CNTN4: variants seen among roughly 807,000 people sequenced by gnomAD.
CNTN4 encodes contactin 4, also known as contactin-4.
CNTN4 carries 77 observed loss-of-function variants against 122.5 expected under a neutral mutation model. The ratio of observed to expected loss-of-function variants is 0.63; its 90% CI spans 0.52 to 0.76. The LOEUF (loss-of-function observed/expected upper bound fraction) is 0.76, where lower values mean the gene tolerates loss of function less well. CNTN4 is among the 30% of genes least tolerant of loss of function. The pLI, the probability that CNTN4 is intolerant of heterozygous loss-of-function variation, is 0.00. For missense variants in CNTN4, 1,256 were observed against 1,259.1 expected (o/e 1.00, Z 0.04); for synonymous variants, 512 against 447.0 (o/e 1.15, Z -1.83).
chr3:2,959,155 C>A (rs1225351524), intron 13 of CNTN4, among the ~76,000 whole-genome samples: 3 of 151,970 alleles, frequency 2.0e-5, no homozygotes, highest in African/African-American at 4.8e-5. Flanking sequence ...TTCCTTTGGG[C>A]AAGGAAATAA....
chr3:2,335,753 A>G (rs1312313879), intron 2 of CNTN4, among the ~76,000 whole-genome samples: 1 of 152,186 alleles, frequency 6.6e-6, no homozygotes, highest in African/African-American at 2.4e-5. Context: ...AGGTGTGAAT[A>G]AATAATTCCT....
At chr3:2,138,967 A>G (rs1009439689) in intron 2 of CNTN4, among the ~76,000 whole-genome samples, 1 of 152,152 alleles carries the variant, frequency 6.6e-6, no homozygotes. Flanking sequence ...GACAGTTTGT[A>G]TGTGTATGGT....
At chr3:2,564,537 T>C (rs1030104022) in intron 3 of CNTN4, among the ~76,000 whole-genome samples, 1 of 152,198 alleles carries the variant, frequency 6.6e-6, no homozygotes, top group East Asian at 1.9e-4. Context: ...CTTCTTCTTA[T>C]AGAATAATGT....
At chr3:2,423,365 T>C (rs2151126381) in intron 3 of CNTN4, among the ~76,000 whole-genome samples, 1 of 152,322 alleles carries the variant, frequency 6.6e-6, no homozygotes, top group East Asian at 1.9e-4. Context: ...GTGGTGCCAT[T>C]TTGTGTACCT....
At chr3:2,930,572 C>T (rs1371110494) in intron 13 of CNTN4, among the ~76,000 whole-genome samples, 1 of 152,126 alleles carries the variant, frequency 6.6e-6, no homozygotes, top group East Asian at 1.9e-4. Context: ...AAGGGTTTCC[C>T]CCCACCCTTT....
intron 13 of CNTN4, among the ~76,000 whole-genome samples, chr3:2,946,457 G>C (rs1294506607): frequency 2.0e-5 from 3 of 152,108 alleles, no homozygotes; most frequent in Non-Finnish European, 2.9e-5. Flanking sequence ...ATGTCTCACT[G>C]TAAAGCAATA....
intron 2 of CNTN4, among the ~76,000 whole-genome samples, chr3:2,175,405 A>C (rs994129005): frequency 3.3e-5 from 5 of 152,208 alleles, no homozygotes; most frequent in Non-Finnish European, 5.9e-5. Context: ...AAGGAAAAAA[A>C]GTCTGAGAAA....
intron 5 of CNTN4, among the ~76,000 whole-genome samples, chr3:2,740,956 AG>A (rs2089423007): frequency 6.6e-6 from 1 of 152,238 alleles, no homozygotes. Flanking sequence ...ACAGAATTCC[AG>A]GGCACATGGA....
chr3:2,318,248 A>G (rs116337413), intron 2 of CNTN4, among the ~76,000 whole-genome samples: 1 of 151,638 alleles, frequency 6.6e-6, no homozygotes, highest in Non-Finnish European at 1.5e-5. Context: ...GTATGTGTAT[A>G]TTGATATGTA....
chr3:2,219,906 TA>T (rs1364998226), intron 2 of CNTN4, among the ~76,000 whole-genome samples: 1 of 152,168 alleles, frequency 6.6e-6, no homozygotes, highest in Non-Finnish European at 1.5e-5. Context: ...TTCCCTATGA[TA>T]AATACCTTCT....
chr3:2,252,487 T>C (rs1005177287), intron 2 of CNTN4, among the ~76,000 whole-genome samples: 1 of 152,046 alleles, frequency 6.6e-6, no homozygotes, highest in Non-Finnish European at 1.5e-5. Flanking sequence ...TGCACTTCCA[T>C]TGACTATGTT....
At chr3:2,871,069 G>A (rs1670829743) in intron 8 of CNTN4, among the ~76,000 whole-genome samples, 1 of 152,028 alleles carries the variant, frequency 6.6e-6, no homozygotes, top group Admixed American at 6.6e-5. Flanking sequence ...CTCCTATGTG[G>A]GGCCAGGAGG....
At chr3:2,938,197 C>T (rs553474616) in intron 13 of CNTN4, among the ~76,000 whole-genome samples, 9 of 151,946 alleles carry the variant, frequency 5.9e-5, no homozygotes, top group Admixed American at 2.0e-4. Flanking sequence ...TTTGGGGATC[C>T]TTGGGGATTC....
intron 3 of CNTN4, among the ~76,000 whole-genome samples, chr3:2,510,226 T>C (rs536207736): frequency 6.6e-6 from 1 of 152,290 alleles, no homozygotes; most frequent in South Asian, 2.1e-4. Context: ...TGTAAGCACC[T>C]TTCTAGTGAA....
intron 2 of CNTN4, among the ~76,000 whole-genome samples, chr3:2,165,031 C>T (rs1232333403): frequency 6.6e-6 from 1 of 152,040 alleles, no homozygotes; most frequent in Non-Finnish European, 1.5e-5. Flanking sequence ...GCATTAATAT[C>T]ACCTAAGGTG....
At chr3:2,303,107 C>T (rs1400813382) in intron 2 of CNTN4, among the ~76,000 whole-genome samples, 1 of 152,130 alleles carries the variant, frequency 6.6e-6, no homozygotes, top group Non-Finnish European at 1.5e-5. Context: ...AGATAAGGTG[C>T]TGGCACTTAG....
chr3:2,794,847 C>T (rs1268807716), intron 6 of CNTN4, among the ~76,000 whole-genome samples: 1 of 152,156 alleles, frequency 6.6e-6, no homozygotes, highest in Admixed American at 6.5e-5. Context: ...GCTATCTTGT[C>T]ACTGTGCACT....
chr3:2,434,170 A>G (rs1224586352), intron 3 of CNTN4, among the ~76,000 whole-genome samples: 1 of 152,222 alleles, frequency 6.6e-6, no homozygotes, highest in Non-Finnish European at 1.5e-5. Flanking sequence ...GCCATAAAAA[A>G]TTAAAAGTAT....
intron 3 of CNTN4, among the ~76,000 whole-genome samples, chr3:2,523,765 C>T (rs2149173001): frequency 6.6e-6 from 1 of 152,092 alleles, no homozygotes. Flanking sequence ...ACCCAGAATC[C>T]TCACGTAAGA....
Sources: allele counts gnomAD v4.1 joint callset (sites outside exome capture counted in the v4.1 genomes callset), GRCh38; gene constraint gnomAD v4.1.1; transcripts MANE v1.5; gene names NCBI Gene and HGNC (gene_info 2026-07-23, HGNC 2026-07-21).